CACNA2D3: variants seen among roughly 807,000 people sequenced by gnomAD.
The protein encoded by CACNA2D3 is voltage-dependent calcium channel subunit alpha-2/delta-3.
In CACNA2D3, 60 loss-of-function variants were observed where a neutral mutation model predicts 160.6. The ratio of observed to expected loss-of-function variants is 0.37; its 90% CI spans 0.30 to 0.46. The LOEUF (loss-of-function observed/expected upper bound fraction) is 0.46. CACNA2D3 is among the 20% of genes least tolerant of loss of function. The probability of loss-of-function intolerance (pLI) is 1.00; values close to 1 mark genes in which losing one functional copy is unlikely to be tolerated. For synonymous variants in CACNA2D3, 558 were observed against 492.9 expected (o/e 1.13, Z -1.75); for missense variants, 1,205 against 1,365.0 (o/e 0.88, Z 1.85).
intron 35 of CACNA2D3, among the ~76,000 whole-genome samples, chr3:55,066,447 C>G (rs931247479): frequency 2.0e-5 from 3 of 152,198 alleles, no homozygotes; most frequent in African/African-American, 7.2e-5. Flanking sequence ...CAAACAAGCT[C>G]TCCACATGTG....
At chr3:54,204,813 A>G (rs1171422280) in intron 2 of CACNA2D3, among the ~76,000 whole-genome samples, 3 of 150,814 alleles carry the variant, frequency 2.0e-5, no homozygotes, top group Non-Finnish European at 3.0e-5. Context: ...AAAAAAAAAA[A>G]AAAAAAAGAA....
At chr3:54,815,744 A>G (rs1703434072) in intron 13 of CACNA2D3, among the ~76,000 whole-genome samples, 1 of 152,200 alleles carries the variant, frequency 6.6e-6, no homozygotes, top group Non-Finnish European at 1.5e-5. Flanking sequence ...TTTTCTCTGT[A>G]AAACAGGGAT....
At chr3:54,277,280 A>ATG (rs1702769631) in intron 2 of CACNA2D3, among the ~76,000 whole-genome samples, 1 of 152,224 alleles carries the variant, frequency 6.6e-6, no homozygotes, top group Non-Finnish European at 1.5e-5. Flanking sequence ...TTAAGTCTTT[A>ATG]ATCCATATTA....
chr3:54,707,558 G>T (rs573498801), intron 11 of CACNA2D3, among the ~76,000 whole-genome samples: 1 of 152,150 alleles, frequency 6.6e-6, no homozygotes, highest in Non-Finnish European at 1.5e-5. Context: ...CATTGGTTTT[G>T]TTGGCTGGAA....
chr3:54,418,295 C>T (rs1243232964), intron 4 of CACNA2D3, among the ~76,000 whole-genome samples: 3 of 152,122 alleles, frequency 2.0e-5, no homozygotes, highest in African/African-American at 7.2e-5. Flanking sequence ...ATCCTTCTTC[C>T]TCAGAAGTTT....
At chr3:55,029,295 C>T (rs1575442769) in intron 35 of CACNA2D3, among the ~76,000 whole-genome samples, 1 of 152,186 alleles carries the variant, frequency 6.6e-6, no homozygotes, top group Non-Finnish European at 1.5e-5. Context: ...TTTAAATGCC[C>T]TAACCCTCAC....
intron 9 of CACNA2D3, among the ~76,000 whole-genome samples, chr3:54,601,984 C>G (rs1402130715): frequency 6.6e-6 from 1 of 151,924 alleles, no homozygotes; most frequent in Non-Finnish European, 1.5e-5. Context: ...TTTGAGGACA[C>G]TGGGAAATAA....
chr3:54,391,679 T>A (rs1699284891), intron 4 of CACNA2D3, among the ~76,000 whole-genome samples: 1 of 152,056 alleles, frequency 6.6e-6, no homozygotes, highest in African/African-American at 2.4e-5. Context: ...CCCAGCTACT[T>A]CTTGTATTTT....
intron 9 of CACNA2D3, among the ~76,000 whole-genome samples, chr3:54,597,615 T>G (rs1036020073): frequency 6.6e-6 from 1 of 151,664 alleles, no homozygotes; most frequent in African/African-American, 2.4e-5. Flanking sequence ...AAAGGAAGAG[T>G]GATGGGTGGG....
rs147376908 is a variant in CACNA2D3, at chr3:54,699,447, C to G, written c.1168-53152C>G. ...CTTTGGGAAACAGCCTGCTTCCCCC[C>G]AGTCACTAACAAGTTGTTCAGAAGC... On this transcript the variant is annotated intron_variant, in intron 11 of 37. Transcript: ENST00000474759. Among the ~76,000 whole-genome samples the G allele has an allele frequency of 1.3e-3, 203 of 152,320 alleles. 1 individual carries two copies. The highest frequency in any genetic ancestry group is 4.6e-3 in the African/African-American group (191 of 41,568).
At chr3:54,830,574 A>C (rs7636349) in intron 14 of CACNA2D3, among the ~76,000 whole-genome samples, 31,795 of 150,400 alleles carry the variant, frequency 0.21, 3,503 homozygotes, top group Non-Finnish European at 0.23. Context: ...TCAGCCTCCC[A>C]AGTAGAGTAG....
At chr3:54,738,947 C>T (rs1701585294) in intron 11 of CACNA2D3, among the ~76,000 whole-genome samples, 1 of 152,066 alleles carries the variant, frequency 6.6e-6, no homozygotes, top group African/African-American at 2.4e-5. Flanking sequence ...GAGTTTAAGA[C>T]CAGCCTAGGC....
intron 2 of CACNA2D3, among the ~76,000 whole-genome samples, chr3:54,155,800 A>T (rs1217521101): frequency 6.6e-6 from 1 of 152,184 alleles, no homozygotes; most frequent in African/African-American, 2.4e-5. Context: ...GGGGCCATTG[A>T]GGAAGGTCAT....
intron 14 of CACNA2D3, among the ~76,000 whole-genome samples, chr3:54,836,494 A>C (rs148952119): frequency 0.014 from 2,071 of 152,106 alleles, 44 homozygotes; most frequent in African/African-American, 0.048. Flanking sequence ...TTGGCCTCCC[A>C]AAGTGCTGGG....
intron 4 of CACNA2D3, among the ~76,000 whole-genome samples, chr3:54,465,657 T>C (rs940888251): frequency 1.3e-5 from 2 of 152,204 alleles, no homozygotes; most frequent in Non-Finnish European, 2.9e-5. Flanking sequence ...CACACAGCCA[T>C]GCGTACAGGT....
chr3:55,061,635 G>A (rs1704509397), intron 35 of CACNA2D3, among the ~76,000 whole-genome samples: 1 of 152,212 alleles, frequency 6.6e-6, no homozygotes, highest in Admixed American at 6.5e-5. Context: ...TTCCCAGCAG[G>A]CATTTCCTTT....
chr3:54,724,891 G>C (rs559344644), intron 11 of CACNA2D3, among the ~76,000 whole-genome samples: 46 of 152,234 alleles, frequency 3.0e-4, no homozygotes, highest in African/African-American at 1.1e-3. Context: ...TCAAAATCTA[G>C]CAGAAGACAG....
chr3:54,824,959 A>G (rs189470636), intron 14 of CACNA2D3, among the ~76,000 whole-genome samples: 31 of 152,344 alleles, frequency 2.0e-4, no homozygotes, highest in African/African-American at 7.5e-4. Context: ...AGTTCCTTAC[A>G]TCTCAGTGCT....
chr3:54,491,150 T>C (rs1007380362), intron 4 of CACNA2D3, among the ~76,000 whole-genome samples: 3 of 152,238 alleles, frequency 2.0e-5, no homozygotes, highest in African/African-American at 4.8e-5. Flanking sequence ...CCATGTGTTC[T>C]AGATCTTTCC....
Sources: gnomAD v4.1 joint callset for allele counts (sites outside exome capture counted in the v4.1 genomes callset) on GRCh38, gnomAD v4.1.1 for gene constraint, MANE v1.5 for transcripts, NCBI Gene and HGNC (gene_info 2026-07-23, HGNC 2026-07-21) for gene names.